The following PLXDC2 variants were observed in gnomAD, a reference collection of about 807,000 sequenced individuals.
The protein encoded by PLXDC2 is plexin domain-containing protein 2.
A neutral mutation model predicts 68.9 loss-of-function variants in PLXDC2; 40 were observed. That is an observed-to-expected ratio of 0.58 (90% CI 0.45 to 0.76). The LOEUF is 0.76. Among genes scored for constraint, PLXDC2 ranks in the 30% least tolerant of loss-of-function variants. The pLI, the probability that PLXDC2 is intolerant of heterozygous loss-of-function variation, is 0.00. For missense variants in PLXDC2, 644 were observed against 661.9 expected (o/e 0.97, Z 0.30); for synonymous variants, 243 against 234.2 (o/e 1.04, Z -0.34).
intron 1 of PLXDC2, among the ~76,000 whole-genome samples, chr10:19,856,584 AT>A (rs1292928247): frequency 6.6e-6 from 1 of 152,166 alleles, no homozygotes; most frequent in Admixed American, 6.5e-5. Flanking sequence ...CGCAGCAAGG[AT>A]TCAGGCTTTG....
intron 1 of PLXDC2, among the ~76,000 whole-genome samples, chr10:19,874,750 G>C (rs1837603069): frequency 6.6e-6 from 1 of 152,152 alleles, no homozygotes; most frequent in South Asian, 2.1e-4. Context: ...ATGTTAGTAG[G>C]TACAGTTAGA....
At chr10:20,231,969 C>G (rs1835370959) in intron 12 of PLXDC2, among the ~76,000 whole-genome samples, 1 of 150,638 alleles carries the variant, frequency 6.6e-6, no homozygotes, top group Non-Finnish European at 1.5e-5. Flanking sequence ...CACCTCACTC[C>G]AGCTCCAACC....
At chr10:19,947,322 A>G (rs1334463128) in intron 1 of PLXDC2, among the ~76,000 whole-genome samples, 1 of 152,194 alleles carries the variant, frequency 6.6e-6, no homozygotes, top group East Asian at 1.9e-4. Flanking sequence ...GTAACTTGTT[A>G]TAGCAGCAAT....
At chr10:20,246,676 T>C (rs1835600545) in intron 13 of PLXDC2, among the ~76,000 whole-genome samples, 1 of 152,140 alleles carries the variant, frequency 6.6e-6, no homozygotes, top group South Asian at 2.1e-4. Flanking sequence ...CTCTAACATC[T>C]AAATGGAACC....
chr10:20,218,321 T>C (rs371769170), intron 11 of PLXDC2, among the ~76,000 whole-genome samples: 18 of 108,772 alleles, frequency 1.7e-4, no homozygotes, highest in African/African-American at 3.7e-4. Context: ...TTGGCTTGAA[T>C]AAAAAATTAA....
At chr10:19,926,687 C>A (rs1165448521) in intron 1 of PLXDC2, among the ~76,000 whole-genome samples, 1 of 152,122 alleles carries the variant, frequency 6.6e-6, no homozygotes, top group Non-Finnish European at 1.5e-5. Context: ...TAAAAGCATG[C>A]ACTTCCCCCA....
intron 9 of PLXDC2, among the ~76,000 whole-genome samples, chr10:20,190,805 A>G (rs1277562172): frequency 6.6e-6 from 1 of 151,936 alleles, no homozygotes; most frequent in Non-Finnish European, 1.5e-5. Flanking sequence ...CAGCTCTTTT[A>G]ATATTTATGT....
chr10:20,187,281 T>G (rs985400534), intron 9 of PLXDC2, among the ~76,000 whole-genome samples: 1 of 151,834 alleles, frequency 6.6e-6, no homozygotes, highest in Admixed American at 6.6e-5. Context: ...TGATATTCCT[T>G]AAAGCTGAAT....
chr10:20,044,178 CTTCTTTCT>C lies in PLXDC2; in HGVS notation c.325-2682_325-2675del, dbSNP rs1191338149. On this transcript the variant is annotated intron_variant, in intron 2 of 13. Transcript: ENST00000377252. The stretch of plus-strand genomic sequence containing the variant: ...TCCTTCCTTCCTCTTTCTTTCTTTC[CTTCTTTCT>C]TTCTTTCTCTCTCTCTCTCTCTCTG... 1.3e-3 allele frequency among the ~76,000 whole-genome samples: 159 copies of C among 119,846 alleles called. 8 individuals are homozygous for C. The highest frequency in any genetic ancestry group is 4.9e-3 in the African/African-American group (144 of 29,632). 78.6% of individuals were successfully genotyped at this position (119,846 alleles called of 152,430 possible). A position where few individuals can be genotyped will look rare whatever the true frequency, so the allele number is the denominator to read the frequency against.
At chr10:19,863,638 C>CA in intron 1 of PLXDC2, among the ~76,000 whole-genome samples, 2 of 152,262 alleles carry the variant, frequency 1.3e-5, no homozygotes, top group South Asian at 2.1e-4. Flanking sequence ...CCGAAAGAAA[C>CA]ATGACATGCA....
intron 1 of PLXDC2, among the ~76,000 whole-genome samples, chr10:19,882,631 G>A (rs1221118737): frequency 6.6e-6 from 1 of 152,176 alleles, no homozygotes; most frequent in Non-Finnish European, 1.5e-5. Context: ...ATAATAGTAT[G>A]AAAGGTTTCG....
In PLXDC2 at chr10:20,178,560, C is replaced by T. The variant is rs369483506; in HGVS notation, c.1061+1151C>T. 2.0e-5 allele frequency among the ~76,000 whole-genome samples: 3 copies of T among 152,150 alleles called. No individual in the cohort carries two copies. The East Asian group carries it at 5.8e-4, about 30-fold the overall frequency. ...AAACCGAATATTCATGCTGTTAATC[C>T]GTGTATGTTACACCCGAGCTTTCGG... On this transcript the variant is annotated intron_variant, in intron 9 of 13. Transcript: ENST00000377252.
chr10:20,065,495 G>T lies in PLXDC2; in HGVS notation c.472-2675G>T, dbSNP rs115194993. ...CATGAAAGGTGGTTTTTCCACAGAG[G>T]GTAGGAGGGGATGGTTTTGGGATGA... On this transcript the variant is annotated intron_variant, in intron 3 of 13. Transcript: ENST00000377252. Among the ~76,000 whole-genome samples, 587 of 152,232 alleles carry T rather than the reference G, an allele frequency of 3.9e-3. 4 individuals are homozygous for T. The highest frequency in any genetic ancestry group is 0.014 in the African/African-American group (561 of 41,552).
intron 1 of PLXDC2, among the ~76,000 whole-genome samples, chr10:19,877,599 A>T (rs1685795625): frequency 6.6e-6 from 1 of 152,334 alleles, no homozygotes; most frequent in Admixed American, 6.5e-5. Context: ...TGTGGACCTG[A>T]TAACCCAGCC....
At chr10:20,082,070 A>AAAAAAAAAAAAAAAAAAAAAC (rs1554765383) in intron 4 of PLXDC2, among the ~76,000 whole-genome samples, 7 of 121,928 alleles carry the variant, frequency 5.7e-5, no homozygotes, top group Non-Finnish European at 1.1e-4. Context: ...AAATCAAAAA[A>AAAAAAAAAAAAAAAAAAAAAC]AAAAAACAGG....
intron 4 of PLXDC2, among the ~76,000 whole-genome samples, chr10:20,079,447 C>T (rs576709951): frequency 6.6e-5 from 10 of 152,206 alleles, no homozygotes; most frequent in East Asian, 3.9e-4. Context: ...GACAGTGTGG[C>T]GATTCCAAAG....
chr10:20,047,165 G>A, intron 3 of PLXDC2, 150 bp downstream of exon 3: 1 of 712,434 alleles, frequency 1.4e-6, no homozygotes, highest in Non-Finnish European at 2.1e-6. Flanking sequence ...ATTCAGTTCT[G>A]TAATTGTAAT....
intron 4 of PLXDC2, among the ~76,000 whole-genome samples, chr10:20,097,461 G>A (rs1275986648): frequency 6.6e-6 from 1 of 152,182 alleles, no homozygotes; most frequent in Non-Finnish European, 1.5e-5. Flanking sequence ...TGTTTCTGTA[G>A]GGAAATTGAG....
intron 9 of PLXDC2, among the ~76,000 whole-genome samples, chr10:20,197,794 G>A (rs1834861727): frequency 6.6e-6 from 1 of 152,082 alleles, no homozygotes; most frequent in African/African-American, 2.4e-5. Context: ...AAGTAGCTGG[G>A]ATTCTATGGT....
Sources: allele counts gnomAD v4.1 joint callset (sites outside exome capture counted in the v4.1 genomes callset), GRCh38; gene constraint gnomAD v4.1.1; transcripts MANE v1.5; gene names NCBI Gene and HGNC (gene_info 2026-07-23, HGNC 2026-07-21).